Variants in ZC3HAV1 observed in about 807,000 individuals in gnomAD.
ZC3HAV1 encodes zinc finger CCCH-type antiviral protein 1.
Under a neutral mutation model 86.6 loss-of-function variants are expected in ZC3HAV1, and 41 were observed. The observed-to-expected ratio is 0.47, with a 90% CI of 0.37 to 0.61. The LOEUF is 0.61. Ranked by LOEUF, ZC3HAV1 falls within the 20% of genes least tolerant of loss-of-function variation. The pLI, the probability that ZC3HAV1 is intolerant of heterozygous loss-of-function variation, is 0.00. For synonymous variants in ZC3HAV1, 421 were observed against 432.1 expected, an observed-to-expected ratio of 0.97 and a Z score of 0.32; for missense variants, 964 against 1,141.1, an observed-to-expected ratio of 0.84 and a Z score of 2.24.
intron 1 of ZC3HAV1, among the ~76,000 whole-genome samples, chr7:139,106,136 T>C (rs1224435208): frequency 6.6e-6 from 1 of 151,716 alleles, no homozygotes; most frequent in African/African-American, 2.4e-5. Flanking sequence ...ATAATCCCTA[T>C]ATTATATATA....
At chr7:139,100,950 C>T (rs1431028527) in intron 1 of ZC3HAV1, among the ~76,000 whole-genome samples, 2 of 152,334 alleles carry the variant, frequency 1.3e-5, no homozygotes, top group Non-Finnish European at 2.9e-5. Context: ...CTGCCTGATT[C>T]TCCTGCCTCA....
At chr7:139,097,437 T>TA in intron 1 of ZC3HAV1, among the ~76,000 whole-genome samples, 1 of 123,992 alleles carries the variant, frequency 8.1e-6, no homozygotes, top group African/African-American at 3.3e-5. Context: ...TATTTTTTTT[T>TA]TTTTTTTTTT....
At position 139,109,644 on chromosome 7, in the gene ZC3HAV1, G is replaced by A. The variant is rs1202256127; in HGVS notation, c.-313C>T. ...TGACCGCCTGGGGTGGCCCCCTCTCGGTTCTAGGCTCGGCGAGGGTGAGGT... is the reference window on the plus strand; with the variant it reads ...TGACCGCCTGGGGTGGCCCCCTCTCAGTTCTAGGCTCGGCGAGGGTGAGGT... On this transcript the variant is annotated 5_prime_UTR_variant, in exon 1 of 13. Transcript: ENST00000242351. 1.4e-5 allele frequency: 4 copies of A among 292,598 alleles called. No homozygotes were observed. Among genetic ancestry groups the A allele is most frequent in the African/African-American group, 4.4e-5 (2 of 45,752 alleles). The allele number at this position is 292,598 out of a possible 1,614,324, so 18.1% of individuals were successfully genotyped here.
rs1563140647 is a variant in ZC3HAV1 at position 139,097,422 on chromosome 7, A to ATTTTTTTTT, written c.309-7664_309-7663insAAAAAAAAA. ...ACTCCATATATATATATATATATAT[A>ATTTTTTTTT]TATATATTTTTTTTTTTTTTTTTTT... On this transcript the variant is annotated intron_variant, in intron 1 of 12. Transcript: ENST00000242351. Among the ~76,000 whole-genome samples, 19 of 79,510 alleles carry ATTTTTTTTT rather than the reference A, an allele frequency of 2.4e-4. 1 individual carries two copies. The highest frequency in any genetic ancestry group is 1.6e-4 in the African/African-American group (2 of 12,794). The allele number at this position is 79,510 out of a possible 152,430, so 52.2% of individuals were successfully genotyped here.
chr7:139,079,411 G>A (rs199800018), intron 4 of ZC3HAV1, 59 bp downstream of exon 4: 4 of 1,613,236 alleles, frequency 2.5e-6, no homozygotes, highest in Non-Finnish European at 3.4e-6. Context: ...CTTGACTAGA[G>A]CCATTTGGTA....
intron 3 of ZC3HAV1, among the ~76,000 whole-genome samples, chr7:139,082,040 G>A (rs1817140958): frequency 1.3e-5 from 2 of 152,306 alleles, no homozygotes; most frequent in Admixed American, 1.3e-4. Flanking sequence ...TAAGGTGGGT[G>A]GATCACTTGA....
chr7:139,076,832 C>T (rs898885082), intron 5 of ZC3HAV1, among the ~76,000 whole-genome samples: 3 of 151,362 alleles, frequency 2.0e-5, no homozygotes, highest in African/African-American at 4.9e-5. Flanking sequence ...GTGGAGGTTG[C>T]GGTGAGCCGA....
chr7:139,105,382 G>A (rs1053449790), intron 1 of ZC3HAV1, among the ~76,000 whole-genome samples: 2 of 152,134 alleles, frequency 1.3e-5, no homozygotes, highest in African/African-American at 4.8e-5. Flanking sequence ...GACTAACCTG[G>A]ATATCATCTC....
chr7:139,099,795 C>T (rs1027453369), intron 1 of ZC3HAV1, among the ~76,000 whole-genome samples: 5 of 152,074 alleles, frequency 3.3e-5, no homozygotes, highest in South Asian at 2.1e-4. Context: ...GGCATGGTGG[C>T]GCGTGCCTGT....
intron 1 of ZC3HAV1, among the ~76,000 whole-genome samples, chr7:139,097,583 C>A (rs1211790782): frequency 6.6e-6 from 1 of 150,382 alleles, no homozygotes; most frequent in Non-Finnish European, 1.5e-5. Context: ...TACAGGTGCC[C>A]GCCACCACGC....
intron 1 of ZC3HAV1, among the ~76,000 whole-genome samples, chr7:139,106,889 G>GGGGAATAA (rs1243519533): frequency 1.3e-5 from 2 of 151,810 alleles, no homozygotes; most frequent in African/African-American, 4.8e-5. Context: ...ATGGGGAATA[G>GGGGAATAA]GGAGAATAAA....
chr7:139,080,228 C>T lies in ZC3HAV1; in HGVS notation c.713G>A (p.Arg238His), dbSNP rs768487648. The T allele has an allele frequency of 1.3e-4, 213 of 1,613,676 alleles. No homozygotes were observed. The highest frequency in any genetic ancestry group is 1.7e-4 in the Non-Finnish European group (198 of 1,179,994). Residue 238 changes from arginine to histidine, a missense_variant, in exon 4 of 13, where the codon CGT becomes CAT. Arg to His is a conservative substitution (Grantham distance 29, BLOSUM62 0). Coordinates refer to ENST00000242351, the MANE Select transcript of ZC3HAV1 (RefSeq NM_020119.4). ...TCTAGCCCTATATGCCATGTTTCTA[C>T]GATGTGAAGAAGGAGCTAAGGGGAA... ...PPGPRAPSSHRRNMAYRARSK... is the reference protein window; with the variant it reads ...PPGPRAPSSHHRNMAYRARSK...
intron 7 of ZC3HAV1, among the ~76,000 whole-genome samples, chr7:139,067,707 C>G (rs1338865584): frequency 6.6e-6 from 1 of 152,180 alleles, no homozygotes; most frequent in Non-Finnish European, 1.5e-5. Context: ...CATTCGTACT[C>G]TATAAATTTA....
chr7:139,060,606 T>A (rs1382230997), intron 9 of ZC3HAV1: 1 of 1,019,970 alleles, frequency 9.8e-7, no homozygotes, highest in Non-Finnish European at 1.2e-6. Context: ...TTTGGGAGAC[T>A]GAGGTAGGAG....
chr7:139,069,494 T>A (rs1200516997), intron 7 of ZC3HAV1, among the ~76,000 whole-genome samples: 1 of 152,130 alleles, frequency 6.6e-6, no homozygotes, highest in African/African-American at 2.4e-5. Flanking sequence ...CTGGTAAACA[T>A]CTTCGAGGAC....
intron 1 of ZC3HAV1, among the ~76,000 whole-genome samples, chr7:139,102,705 A>G (rs551055067): frequency 9.8e-4 from 148 of 150,880 alleles, no homozygotes; most frequent in African/African-American, 3.3e-3. Flanking sequence ...CAGCCTGGGC[A>G]AAATAGTGAG....
In ZC3HAV1 at chr7:139,047,402, C is replaced by A; in HGVS notation, c.*192G>T. 3.2e-6 allele frequency: 2 copies of A among 632,190 alleles called. No homozygotes were observed. The highest frequency in any genetic ancestry group is 2.0e-5 in the South Asian group (1 of 49,686). The allele number at this position is 632,190 out of a possible 1,614,324, so 39.2% of individuals were successfully genotyped here. On this transcript the variant is annotated 3_prime_UTR_variant, in exon 13 of 13. Coordinates refer to ENST00000242351, the MANE Select transcript of ZC3HAV1 (RefSeq NM_020119.4). ...GAAATGATTTCATTGGCATGGGGTG[C>A]AACCTGGGCATCAGAATTTGTTTAA...
intron 7 of ZC3HAV1, among the ~76,000 whole-genome samples, chr7:139,073,301 AAAATAAAT>A (rs1216948452): frequency 6.6e-6 from 1 of 152,068 alleles, no homozygotes; most frequent in Non-Finnish European, 1.5e-5. Context: ...CTCCATCTCA[AAAATAAAT>A]AAATAAATAA....
At position 139,047,838 on chromosome 7, in the gene ZC3HAV1, T is replaced by G; in HGVS notation, c.2465A>C (p.Lys822Thr). The change falls in exon 13 of 13, where the codon AAA (lysine) becomes ACA (threonine). Residue 822 changes from lysine (K) to threonine (T), a missense_variant. Coordinates refer to ENST00000242351, the MANE Select transcript of ZC3HAV1 (RefSeq NM_020119.4). ...ATTTTTGTGGGAATAGATGGCATCT[T>G]TTGCAAAGTAAATTCCTAGAAAGAA... Reference protein sequence around the residue: ...NKYGKGIYFAKDAIYSHKNCP... With the variant: ...NKYGKGIYFATDAIYSHKNCP... 6.2e-7 allele frequency: 1 copy of G among 1,611,354 alleles called. No homozygotes were observed. The highest frequency in any genetic ancestry group is 1.1e-5 in the South Asian group (1 of 90,362).
Sources: allele counts gnomAD v4.1 joint callset (sites outside exome capture counted in the v4.1 genomes callset), GRCh38; gene constraint gnomAD v4.1.1; transcripts MANE v1.5; gene names NCBI Gene and HGNC (gene_info 2026-07-23, HGNC 2026-07-21).